Variants in CDK12 observed in about 807,000 individuals in gnomAD.
CDK12 encodes cyclin-dependent kinase 12.
A neutral mutation model predicts 133.8 loss-of-function variants in CDK12; 17 were observed. The ratio of observed to expected loss-of-function variants is 0.13; its 90% CI spans 0.09 to 0.19. CDK12 has a LOEUF of 0.19. Among genes scored for constraint, CDK12 ranks in the 10% least tolerant of loss-of-function variants. The probability of loss-of-function intolerance (pLI) is 1.00; values close to 1 mark genes in which losing one functional copy is unlikely to be tolerated. For missense variants in CDK12, 1,508 were observed against 1,818.7 expected, an observed-to-expected ratio of 0.83 and a Z score of 3.11; for synonymous variants, 694 against 683.6, an observed-to-expected ratio of 1.02 and a Z score of -0.24.
upstream of CDK12, among the ~76,000 whole-genome samples, chr17:39,545,830 C>G (rs2055666780): frequency 6.8e-6 from 1 of 147,840 alleles, no homozygotes; most frequent in African/African-American, 2.5e-5. Flanking sequence ...GAGTCTTGCT[C>G]TGTCACCCAG....
Position 39,494,792 on chromosome 17 carries a change from C to T in CDK12, c.2419+98C>T, listed in dbSNP as rs371811592. 206 of 858,102 alleles carry T rather than the reference C, an allele frequency of 2.4e-4. 2 individuals are homozygous for T. In the African/African-American group the frequency reaches 2.8e-3, roughly 12 times the overall value. The allele number at this position is 858,102 out of a possible 1,614,324, so 53.2% of individuals were successfully genotyped here. A position where few individuals can be genotyped will look rare whatever the true frequency, so the allele number is the denominator to read the frequency against. On this transcript the variant is annotated intron_variant, in intron 5 of 13. Transcript: ENST00000447079. ...TTCTTTCTTTTTTTTTTTTTTGAGA[C>T]GGAGTCTTGCTCTGTTGCCCAGGCT...
chr17:39,547,675 G>C (rs1186059656), upstream of CDK12: 1 of 152,272 alleles, frequency 6.6e-6, no homozygotes, highest in African/African-American at 2.4e-5. Context: ...TCTCCTCTGG[G>C]GGCTGTTGAG....
chr17:39,544,588 G>A (rs1206644992), upstream of CDK12, among the ~76,000 whole-genome samples: 1 of 146,904 alleles, frequency 6.8e-6, no homozygotes, highest in African/African-American at 2.5e-5. Context: ...AGTGATTCTC[G>A]TGCCTCAGCC....
At position 39,475,324 on chromosome 17, in the gene CDK12, T is replaced by C. The variant is rs929601909; in HGVS notation, c.1931+3561T>C. 2.0e-5 allele frequency among the ~76,000 whole-genome samples: 3 copies of C among 151,870 alleles called. No homozygotes were observed. In the East Asian group the frequency reaches 5.9e-4, roughly 30 times the overall value. ...CCCATCTCTATAAAACATTTAAAAA[T>C]TAGTTGGATGTGGTGGCAGGTACCT... On this transcript the variant is annotated intron_variant, in intron 2 of 13. Transcript: ENST00000447079.
At chr17:39,538,360 T>C (rs990236610), downstream of CDK12, among the ~76,000 whole-genome samples, 1 of 152,208 alleles carries the variant, frequency 6.6e-6, no homozygotes, top group Non-Finnish European at 1.5e-5. Context: ...AACGAGAATA[T>C]GCGAATTAGA....
At chr17:39,492,647 G>T (rs1186115566) in intron 3 of CDK12, 104 bp from the exon 4 acceptor site, 5 of 737,254 alleles carry the variant, frequency 6.8e-6, no homozygotes, top group African/African-American at 3.6e-5. Context: ...CTGACCTCGT[G>T]ATCTGCCAGC....
chr17:39,525,622 GAT>G (rs2054450479), intron 12 of CDK12, among the ~76,000 whole-genome samples: 2 of 152,154 alleles, frequency 1.3e-5, no homozygotes, highest in South Asian at 4.1e-4. Flanking sequence ...GAAAAATACA[GAT>G]AAAGTGAAGT....
At chr17:39,525,112 G>A (rs565125886) in intron 12 of CDK12, among the ~76,000 whole-genome samples, 84 of 152,274 alleles carry the variant, frequency 5.5e-4, no homozygotes, top group African/African-American at 2.0e-3. Flanking sequence ...AAATATGTAC[G>A]GAACACTGTA....
At chr17:39,563,636 G>A (rs528325068) in intron 3 of CDK12, among the ~76,000 whole-genome samples, 2 of 152,116 alleles carry the variant, frequency 1.3e-5, no homozygotes, top group African/African-American at 4.8e-5. Context: ...TCAGAGAGCA[G>A]TAAGGTGTGA....
At chr17:39,508,747 C>A (rs1247438225) in intron 6 of CDK12, among the ~76,000 whole-genome samples, 1 of 152,126 alleles carries the variant, frequency 6.6e-6, no homozygotes, top group East Asian at 1.9e-4. Context: ...GTACTCCCAG[C>A]CCTTTGGGAG....
rs369561189 is a variant in CDK12, at chr17:39,525,978, A to C, written c.3422A>C (p.His1141Pro). 2 of 1,613,940 alleles carry C rather than the reference A, an allele frequency of 1.2e-6. No individual in the cohort carries two copies. The highest frequency in any genetic ancestry group is 1.3e-5 in the African/African-American group (1 of 74,876). ...IPQMAQLLNI[H>P]SNPEMQQQLE... Reference sequence around the variant, plus strand: ...CAAATGGCACAGCTGCTTAACATCCACTCCAACCCAGAGATGCAGCAGCAG... The same window carrying C: ...CAAATGGCACAGCTGCTTAACATCCCCTCCAACCCAGAGATGCAGCAGCAG... The change falls in exon 13 of 14, where the codon CAC becomes CCC. Residue 1141 changes from histidine to proline, a missense_variant. By Grantham distance (77) the His-to-Pro change is moderately conservative (BLOSUM62 -2). Coordinates refer to ENST00000447079, the MANE Select transcript of CDK12 (RefSeq NM_016507.4).
intron 1 of CDK12, among the ~76,000 whole-genome samples, chr17:39,465,456 A>C (rs2049236222): frequency 1.3e-5 from 2 of 150,986 alleles, no homozygotes; most frequent in Admixed American, 1.3e-4. Flanking sequence ...AAAATGCCTA[A>C]GTCTTAAGTG....
intron 5 of CDK12, among the ~76,000 whole-genome samples, chr17:39,499,214 T>C (rs1287829418): frequency 9.5e-6 from 1 of 105,242 alleles, no homozygotes; most frequent in Non-Finnish European, 1.9e-5. Flanking sequence ...TTTCCTTTTT[T>C]TTTTTTTTTT....
intron 10 of CDK12, among the ~76,000 whole-genome samples, chr17:39,518,287 C>G (rs192044013): frequency 2.0e-5 from 3 of 152,004 alleles, no homozygotes; most frequent in Admixed American, 1.3e-4. Flanking sequence ...CCACCTTAGC[C>G]TTCTGAATAG....
chr17:39,516,365 T>A (rs1394221008), intron 9 of CDK12, among the ~76,000 whole-genome samples: 1 of 145,090 alleles, frequency 6.9e-6, no homozygotes, highest in East Asian at 2.0e-4. Context: ...GTTTTTTGTA[T>A]TTTTTTTTTT....
intron 3 of CDK12, 27 bp downstream of exon 3, chr17:39,490,760 C>G: frequency 6.5e-7 from 1 of 1,543,632 alleles, no homozygotes; most frequent in Admixed American, 1.8e-5. Context: ...ATCTGTCTTT[C>G]ATGATAGTTT....
chr17:39,472,419 A>G (rs1234927988), intron 2 of CDK12, among the ~76,000 whole-genome samples: 2 of 151,566 alleles, frequency 1.3e-5, no homozygotes. Context: ...CATGCCTGTA[A>G]TCCCAGCACT....
intron 1 of CDK12, among the ~76,000 whole-genome samples, chr17:39,466,923 T>C (rs2049373121): frequency 6.6e-6 from 1 of 150,868 alleles, no homozygotes; most frequent in Non-Finnish European, 1.5e-5. Flanking sequence ...TATTCTCTTG[T>C]GTTTTTTTCC....
At chr17:39,516,373 T>A (rs1279698165) in intron 9 of CDK12, among the ~76,000 whole-genome samples, 1 of 151,910 alleles carries the variant, frequency 6.6e-6, no homozygotes, top group Non-Finnish European at 1.5e-5. Flanking sequence ...TATTTTTTTT[T>A]TTAGACAGGG....
Sources: allele counts gnomAD v4.1 joint callset (sites outside exome capture counted in the v4.1 genomes callset), GRCh38; gene constraint gnomAD v4.1.1; transcripts MANE v1.5; gene names NCBI Gene and HGNC (gene_info 2026-07-23, HGNC 2026-07-21).